GALNT7: variants seen among roughly 807,000 people sequenced by gnomAD.
GALNT7 encodes N-acetylgalactosaminyltransferase 7.
Under a neutral mutation model 82.1 loss-of-function variants are expected in GALNT7, and 60 were observed. The ratio of observed to expected loss-of-function variants is 0.73; its 90% CI spans 0.59 to 0.91. The LOEUF is 0.91. Among genes scored for constraint, GALNT7 ranks in the 40% least tolerant of loss-of-function variants. The pLI is 0.00. For missense variants in GALNT7, 660 were observed against 804.2 expected (o/e 0.82, Z 2.17); for synonymous variants, 243 against 275.1 (o/e 0.88, Z 1.15).
At chr4:173,186,171 A>T (rs927302747) in intron 1 of GALNT7, among the ~76,000 whole-genome samples, 3 of 152,264 alleles carry the variant, frequency 2.0e-5, no homozygotes, top group African/African-American at 7.2e-5. Context: ...GTTGATAACC[A>T]TGAACATTAA....
chr4:173,275,325 C>T (rs1735862374), intron 2 of GALNT7, among the ~76,000 whole-genome samples: 1 of 152,208 alleles, frequency 6.6e-6, no homozygotes, highest in Admixed American at 6.5e-5. Flanking sequence ...CGTACCGTTA[C>T]TGTGTTTGAG....
chr4:173,297,246 T>G (rs1022204130), intron 5 of GALNT7, among the ~76,000 whole-genome samples: 2 of 150,814 alleles, frequency 1.3e-5, no homozygotes, highest in African/African-American at 2.5e-5. Context: ...ACCTTTTTTT[T>G]TTGTTTGTTT....
chr4:173,196,545 TTTC>T (rs1732784630), intron 1 of GALNT7, among the ~76,000 whole-genome samples: 1 of 152,234 alleles, frequency 6.6e-6, no homozygotes, highest in South Asian at 2.1e-4. Flanking sequence ...TGAAGTTTTT[TTTC>T]TTCAACTTTT....
chr4:173,188,567 C>A (rs1732525563), intron 1 of GALNT7, among the ~76,000 whole-genome samples: 1 of 152,194 alleles, frequency 6.6e-6, no homozygotes, highest in South Asian at 2.1e-4. Context: ...TTTTAAAGAA[C>A]ATCCAGTTTT....
chr4:173,297,903 G>A (rs1736778403), intron 5 of GALNT7: 1 of 1,504,586 alleles, frequency 6.6e-7, no homozygotes. Flanking sequence ...CCTGGGACTG[G>A]AGTTTACTAT....
chr4:173,294,993 A>T (rs1736669129), intron 3 of GALNT7, among the ~76,000 whole-genome samples: 1 of 152,160 alleles, frequency 6.6e-6, no homozygotes, highest in Admixed American at 6.5e-5. Context: ...TTCCAGTGCA[A>T]TTGTATAGTA....
chr4:173,209,572 T>C (rs775050752), intron 1 of GALNT7, among the ~76,000 whole-genome samples: 1 of 152,214 alleles, frequency 6.6e-6, no homozygotes, highest in Non-Finnish European at 1.5e-5. Context: ...ACTCTCAACA[T>C]TTCACGTCTC....
intron 1 of GALNT7, among the ~76,000 whole-genome samples, chr4:173,223,102 C>G (rs2126692770): frequency 6.6e-6 from 1 of 152,168 alleles, no homozygotes; most frequent in East Asian, 1.9e-4. Flanking sequence ...TCCTAAGGAC[C>G]AGCAATCTTT....
chr4:173,169,350 C>T (rs1486527900), intron 1 of GALNT7: 4 of 150,800 alleles, frequency 2.7e-5, no homozygotes, highest in African/African-American at 9.7e-5. Context: ...GCTCACGGCC[C>T]GGGGACGCGG....
intron 2 of GALNT7, among the ~76,000 whole-genome samples, chr4:173,256,632 G>C (rs372080749): frequency 1.5e-4 from 21 of 140,778 alleles, no homozygotes; most frequent in African/African-American, 5.6e-4. Flanking sequence ...TCTTTCTTTC[G>C]CATACCCTTG....
intron 8 of GALNT7, among the ~76,000 whole-genome samples, chr4:173,310,691 C>T (rs1580012196): frequency 6.6e-6 from 1 of 152,304 alleles, no homozygotes; most frequent in East Asian, 1.9e-4. Context: ...TCACAACACA[C>T]TATGAGGTAA....
At position 173,176,225 on chromosome 4, in the gene GALNT7, A is replaced by G. The variant is rs183180639; in HGVS notation, c.126+7264A>G. 1.1e-4 allele frequency among the ~76,000 whole-genome samples: 17 copies of G among 152,286 alleles called. No individual in the cohort carries two copies. In the East Asian group the frequency reaches 3.3e-3, roughly 29 times the overall value. Reference sequence around the variant, plus strand: ...CGGAAAAGCATTCCAGGCAGAGGGAACAGAAGTGCAAAATTCCTGAGGTTG... The same window carrying G: ...CGGAAAAGCATTCCAGGCAGAGGGAGCAGAAGTGCAAAATTCCTGAGGTTG... On this transcript the variant is annotated intron_variant, in intron 1 of 11. Transcript: ENST00000265000.
intron 1 of GALNT7, among the ~76,000 whole-genome samples, chr4:173,232,045 G>A (rs982964126): frequency 6.6e-6 from 1 of 152,160 alleles, no homozygotes; most frequent in Non-Finnish European, 1.5e-5. Flanking sequence ...AAATGGAATT[G>A]GAACTGAACT....
intron 1 of GALNT7, among the ~76,000 whole-genome samples, chr4:173,196,608 C>T (rs1255456420): frequency 6.6e-6 from 1 of 152,000 alleles, no homozygotes; most frequent in Non-Finnish European, 1.5e-5. Flanking sequence ...TATAGGTAAA[C>T]GTGTGCCATG....
intron 1 of GALNT7, among the ~76,000 whole-genome samples, chr4:173,195,077 A>C (rs1487632476): frequency 6.6e-6 from 1 of 152,214 alleles, no homozygotes; most frequent in Non-Finnish European, 1.5e-5. Context: ...ACACACATAA[A>C]GTCTTTATAA....
At chr4:173,197,507 A>G (rs77956800) in intron 1 of GALNT7, among the ~76,000 whole-genome samples, 16,314 of 152,268 alleles carry the variant, frequency 0.11, 1,082 homozygotes, top group Middle Eastern at 0.17. Flanking sequence ...AGGGATGAAA[A>G]TGGTTATACT....
intron 8 of GALNT7, among the ~76,000 whole-genome samples, chr4:173,305,110 A>T (rs1158169588): frequency 6.6e-6 from 1 of 152,072 alleles, no homozygotes; most frequent in African/African-American, 2.4e-5. Context: ...GTTTTCCCAT[A>T]ATGGCTGCAC....
At chr4:173,305,874 T>A (rs1321250306) in intron 8 of GALNT7, among the ~76,000 whole-genome samples, 1 of 152,190 alleles carries the variant, frequency 6.6e-6, no homozygotes, top group Non-Finnish European at 1.5e-5. Flanking sequence ...CTTTAGCTAT[T>A]CAGGGTTTTT....
intron 1 of GALNT7, among the ~76,000 whole-genome samples, chr4:173,240,301 A>G (rs1734379875): frequency 6.6e-6 from 1 of 151,772 alleles, no homozygotes; most frequent in African/African-American, 2.4e-5. Flanking sequence ...AATGTCAAAT[A>G]CTTACTAATG....
Sources: gnomAD v4.1 joint callset for allele counts (sites outside exome capture counted in the v4.1 genomes callset) on GRCh38, gnomAD v4.1.1 for gene constraint, MANE v1.5 for transcripts, NCBI Gene and HGNC (gene_info 2026-07-23, HGNC 2026-07-21) for gene names.